Variants in CACNB2 observed in about 807,000 individuals in gnomAD.
CACNB2 encodes voltage-dependent L-type calcium channel subunit beta-2.
A neutral mutation model predicts 73.3 loss-of-function variants in CACNB2; 42 were observed. That is an observed-to-expected ratio of 0.57 (90% CI 0.45 to 0.74). The LOEUF (loss-of-function observed/expected upper bound fraction) is 0.74, where lower values mean the gene tolerates loss of function less well. Among genes scored for constraint, CACNB2 ranks in the 30% least tolerant of loss-of-function variants. The probability of loss-of-function intolerance (pLI) is 0.00; values close to 1 mark genes in which losing one functional copy is unlikely to be tolerated. For missense variants in CACNB2, 940 were observed against 853.0 expected (o/e 1.10, Z -1.27); for synonymous variants, 348 against 310.3 (o/e 1.12, Z -1.28).
At chr10:18,518,858 CGTTA>C (rs2051542871) in intron 8 of CACNB2, 48 bp from the exon 9 acceptor site, 3 of 1,477,800 alleles carry the variant, frequency 2.0e-6, no homozygotes. Flanking sequence ...GTTTTATCAT[CGTTA>C]GTAATTTTTT....
chr10:18,534,007 G>A, intron 10 of CACNB2, 69 bp from the exon 11 acceptor site: 1 of 1,489,806 alleles, frequency 6.7e-7, no homozygotes. Context: ...TTCTGTTGAA[G>A]AAACAGTATA....
At chr10:18,363,371 C>T (rs1160739298) in intron 2 of CACNB2, among the ~76,000 whole-genome samples, 1 of 152,184 alleles carries the variant, frequency 6.6e-6, no homozygotes, top group African/African-American at 2.4e-5. Flanking sequence ...ATGTCTTGTA[C>T]CCAGTCACCC....
chr10:18,252,665 A>G (rs1027385943), intron 2 of CACNB2, among the ~76,000 whole-genome samples: 1 of 152,228 alleles, frequency 6.6e-6, no homozygotes, highest in Non-Finnish European at 1.5e-5. Flanking sequence ...TAGATGAAAT[A>G]TGGTTTTAAA....
chr10:18,539,700 C>G lies in CACNB2; in HGVS notation c.1959C>G (p.Asn653Lys), dbSNP rs1414134597. Residue 653 changes from asparagine to lysine, a missense_variant, in exon 14 of 14, where the codon AAC becomes AAG. Asn to Lys is a moderately conservative substitution (Grantham distance 94). Transcript: ENST00000324631. Reference sequence around the variant, plus strand: ...AACGGAATGAGGCTGGGGAGTGGAACAGGGATGTTTACATCCGCCAATGAG... The same window carrying G: ...AACGGAATGAGGCTGGGGAGTGGAAGAGGGATGTTTACATCCGCCAATGAG... Reference protein sequence around the residue: ...SKKRNEAGEWNRDVYIRQ With the variant: ...SKKRNEAGEWKRDVYIRQ The G allele has an allele frequency of 6.2e-7, 1 of 1,608,116 alleles. No individual in the cohort carries two copies. The highest frequency in any genetic ancestry group is 8.5e-7 in the Non-Finnish European group (1 of 1,178,182).
chr10:18,486,993 T>C lies in CACNB2; in HGVS notation c.334-11362T>C, dbSNP rs1215402650. On this transcript the variant is annotated intron_variant, in intron 3 of 13. Coordinates refer to ENST00000324631, the MANE Select transcript of CACNB2 (RefSeq NM_201596.3). ...TTGCAAAGAGAGAAGGGCTCCCAAG[T>C]GCGTCATCTGGTTTCATGGTGAAAC... 4.6e-5 allele frequency among the ~76,000 whole-genome samples: 7 copies of C among 152,250 alleles called. No individual in the cohort carries two copies. The East Asian group carries it at 1.4e-3, about 29-fold the overall frequency.
At chr10:18,245,142 A>T (rs1183467195) in intron 2 of CACNB2, among the ~76,000 whole-genome samples, 3 of 151,996 alleles carry the variant, frequency 2.0e-5, no homozygotes, top group African/African-American at 4.8e-5. Flanking sequence ...GAACTGTGAG[A>T]TAATACATTT....
At chr10:18,176,717 C>T (rs2033611682) in intron 2 of CACNB2, among the ~76,000 whole-genome samples, 1 of 151,116 alleles carries the variant, frequency 6.6e-6, no homozygotes, top group Non-Finnish European at 1.5e-5. Context: ...AAATGGTCTC[C>T]ACGTACCAGC....
At chr10:18,366,928 T>A (rs189576905) in intron 2 of CACNB2, among the ~76,000 whole-genome samples, 1 of 152,322 alleles carries the variant, frequency 6.6e-6, no homozygotes, top group Non-Finnish European at 1.5e-5. Context: ...TTGCCAAGCG[T>A]GGGAAACTAG....
At chr10:18,163,598 G>A (rs992085394) in intron 2 of CACNB2, among the ~76,000 whole-genome samples, 1 of 152,188 alleles carries the variant, frequency 6.6e-6, no homozygotes, top group Admixed American at 6.5e-5. Context: ...CAAGAAATCA[G>A]GGGGTCATCT....
At chr10:18,338,314 T>C (rs1004804701) in intron 2 of CACNB2, among the ~76,000 whole-genome samples, 5 of 152,148 alleles carry the variant, frequency 3.3e-5, no homozygotes, top group Admixed American at 1.3e-4. Flanking sequence ...TGTAAAGGTG[T>C]CAACATCACT....
intron 2 of CACNB2, among the ~76,000 whole-genome samples, chr10:18,228,451 A>AAAAAAAAAAAAAAAAAAAAAG (rs1588766949): frequency 3.1e-5 from 3 of 95,468 alleles, no homozygotes; most frequent in Admixed American, 1.1e-4. Flanking sequence ...AAAAAAAAAG[A>AAAAAAAAAAAAAAAAAAAAAG]AAAAAAAAAA....
intron 2 of CACNB2, among the ~76,000 whole-genome samples, chr10:18,301,842 T>C (rs2039528142): frequency 6.6e-6 from 1 of 151,392 alleles, no homozygotes. Context: ...AGAGACGGGG[T>C]TTCACCATGT....
intron 2 of CACNB2, among the ~76,000 whole-genome samples, chr10:18,348,803 A>G (rs1346399421): frequency 6.6e-6 from 1 of 152,150 alleles, no homozygotes; most frequent in Non-Finnish European, 1.5e-5. Context: ...GTGCCCAGAT[A>G]CAAAGTTTAT....
intron 2 of CACNB2, among the ~76,000 whole-genome samples, chr10:18,349,939 A>T (rs1440463682): frequency 6.6e-6 from 1 of 152,114 alleles, no homozygotes; most frequent in Admixed American, 6.6e-5. Flanking sequence ...TATATCTATT[A>T]TTATTATTTT....
chr10:18,348,494 CA>C (rs1564456855), intron 2 of CACNB2, among the ~76,000 whole-genome samples: 1 of 151,804 alleles, frequency 6.6e-6, no homozygotes, highest in East Asian at 1.9e-4. Context: ...GACAGACAGA[CA>C]GATAGATGGA....
At chr10:18,147,229 T>C (rs902918110) in intron 1 of CACNB2, among the ~76,000 whole-genome samples, 2 of 152,238 alleles carry the variant, frequency 1.3e-5, no homozygotes, top group African/African-American at 4.8e-5. Flanking sequence ...TGGATATTCA[T>C]TCACACTAAG....
At position 18,538,336 on chromosome 10, in the gene CACNB2, CTTA is replaced by C. The variant is rs1483295888; in HGVS notation, c.1460_1462del (p.Leu487_Ser488delinsArg). On this transcript the variant is annotated inframe_deletion, in exon 13 of 14. Coordinates refer to ENST00000324631, the MANE Select transcript of CACNB2 (RefSeq NM_201596.3). Reference sequence around the variant, plus strand: ...TACATTAGCCACTTCAAGTCTGCCTCTTAGCCCCACCCTAGCCTCTAATTCACA... The same window carrying C: ...TACATTAGCCACTTCAAGTCTGCCTCGCCCCACCCTAGCCTCTAATTCACA... The C allele has an allele frequency of 6.2e-7, 1 of 1,614,134 alleles. No individual in the cohort carries two copies. The highest frequency in any genetic ancestry group is 2.2e-5 in the East Asian group (1 of 44,884).
intron 2 of CACNB2, among the ~76,000 whole-genome samples, chr10:18,245,605 A>G: frequency 6.6e-6 from 1 of 152,160 alleles, no homozygotes; most frequent in East Asian, 1.9e-4. Flanking sequence ...TGTTGGAATT[A>G]CAGGCAGGAG....
At position 18,468,293 on chromosome 10, in the gene CACNB2, A is replaced by G. The variant is rs370646641; in HGVS notation, c.334-30062A>G. On this transcript the variant is annotated intron_variant, in intron 3 of 13. Transcript: ENST00000324631. ...GGCAACATGGCGAAAACCCATCTCC[A>G]CAAAAAACACTAAAAAAATTAGCTA... 4.6e-5 allele frequency among the ~76,000 whole-genome samples: 7 copies of G among 152,264 alleles called. No individual in the cohort carries two copies. In the East Asian group the frequency reaches 1.4e-3, roughly 29 times the overall value.
Sources: gnomAD v4.1 joint callset for allele counts (sites outside exome capture counted in the v4.1 genomes callset) on GRCh38, gnomAD v4.1.1 for gene constraint, MANE v1.5 for transcripts, NCBI Gene and HGNC (gene_info 2026-07-23, HGNC 2026-07-21) for gene names.